The following GOLM2 variants were observed in gnomAD, a reference collection of about 807,000 sequenced individuals.
GOLM2 encodes golgi membrane protein 2, also known as protein GOLM2.
A neutral mutation model predicts 55.9 loss-of-function variants in GOLM2; 26 were observed. The ratio of observed to expected loss-of-function variants is 0.47; its 90% CI spans 0.34 to 0.65. The LOEUF is 0.65. GOLM2 is among the 30% of genes least tolerant of loss of function. GOLM2 has a pLI of 0.01. For missense variants in GOLM2, 486 were observed against 531.8 expected, an observed-to-expected ratio of 0.91 and a Z score of 0.85; for synonymous variants, 165 against 194.6, an observed-to-expected ratio of 0.85 and a Z score of 1.27.
At chr15:44,388,621 C>A (rs1445601430) in intron 8 of GOLM2, among the ~76,000 whole-genome samples, 1 of 152,096 alleles carries the variant, frequency 6.6e-6, no homozygotes, top group African/African-American at 2.4e-5. Flanking sequence ...CTGCAGTAAG[C>A]CATGATCGTG....
chr15:44,359,363 G>A (rs578199168), intron 6 of GOLM2, among the ~76,000 whole-genome samples: 18 of 151,144 alleles, frequency 1.2e-4, no homozygotes, highest in African/African-American at 3.2e-4. Context: ...TGAGGTGGGC[G>A]GATCACGAGT....
intron 6 of GOLM2, among the ~76,000 whole-genome samples, chr15:44,344,093 C>A (rs1010930850): frequency 6.6e-5 from 10 of 151,120 alleles, no homozygotes; most frequent in Non-Finnish European, 1.3e-4. Flanking sequence ...AACCCTGTGT[C>A]TACAAGAAAT....
intron 4 of GOLM2, among the ~76,000 whole-genome samples, chr15:44,336,513 A>C (rs1595633163): frequency 6.6e-6 from 1 of 152,368 alleles, no homozygotes; most frequent in African/African-American, 2.4e-5. Context: ...TTTGGAAACT[A>C]TGAGACACGA....
At chr15:44,408,814 T>A (rs904113023) in intron 9 of GOLM2, among the ~76,000 whole-genome samples, 2 of 151,860 alleles carry the variant, frequency 1.3e-5, no homozygotes, top group Non-Finnish European at 2.9e-5. Context: ...ACAAAAAAAA[T>A]TCAGCCCGGA....
chr15:44,407,045 A>G (rs1047398532), intron 9 of GOLM2, among the ~76,000 whole-genome samples: 8 of 147,588 alleles, frequency 5.4e-5, no homozygotes, highest in African/African-American at 2.0e-4. Flanking sequence ...ATATGTAAGT[A>G]TATATATAAA....
chr15:44,372,283 C>T (rs187436916), intron 6 of GOLM2, among the ~76,000 whole-genome samples: 32 of 152,284 alleles, frequency 2.1e-4, no homozygotes, highest in Admixed American at 1.0e-3. Context: ...GAGTTGAGGA[C>T]CACTGCTTAT....
At chr15:44,390,024 T>C (rs1455031803) in intron 8 of GOLM2, 1 of 152,194 alleles carries the variant, frequency 6.6e-6, no homozygotes, top group Non-Finnish European at 1.5e-5. Flanking sequence ...ATTTTTGTTT[T>C]ATAGCTTAAT....
intron 6 of GOLM2, among the ~76,000 whole-genome samples, chr15:44,366,241 G>A (rs1297239459): frequency 6.7e-6 from 1 of 148,560 alleles, no homozygotes; most frequent in East Asian, 2.0e-4. Context: ...AGCTTGCAGT[G>A]AGCAGAGATC....
chr15:44,359,755 T>C (rs1172088219), intron 6 of GOLM2, among the ~76,000 whole-genome samples: 1 of 152,122 alleles, frequency 6.6e-6, no homozygotes, highest in Non-Finnish European at 1.5e-5. Flanking sequence ...AATTGTCAGA[T>C]TCACCAAAGT....
At chr15:44,348,404 C>CCTCCCCATGGGAGGCCACAGTA (rs139648558) in intron 6 of GOLM2, 1 of 152,044 alleles carries the variant, frequency 6.6e-6, no homozygotes, top group African/African-American at 2.4e-5. Context: ...GATACCCTGG[C>CCTCCCCATGGGAGGCCACAGTA]CTCCCCATGG....
intron 6 of GOLM2, among the ~76,000 whole-genome samples, chr15:44,338,692 T>C (rs2079073008): frequency 6.6e-6 from 1 of 152,238 alleles, no homozygotes; most frequent in African/African-American, 2.4e-5. Flanking sequence ...TGCTTTAATA[T>C]GGCATAGTAA....
intron 6 of GOLM2, among the ~76,000 whole-genome samples, chr15:44,357,279 C>T (rs1258528679): frequency 2.0e-5 from 3 of 151,918 alleles, no homozygotes; most frequent in Admixed American, 1.3e-4. Flanking sequence ...CATAATTCAT[C>T]GTATTAGCAG....
intron 1 of GOLM2, among the ~76,000 whole-genome samples, chr15:44,304,333 A>T (rs1026725365): frequency 1.6e-4 from 22 of 134,350 alleles, no homozygotes; most frequent in Non-Finnish European, 2.3e-4. Flanking sequence ...CCTCCGCCTC[A>T]CAGGTTCAAG....
chr15:44,291,320 C>T (rs535600285), intron 1 of GOLM2, among the ~76,000 whole-genome samples: 52 of 152,204 alleles, frequency 3.4e-4, no homozygotes, highest in African/African-American at 1.2e-3. Context: ...TTTTTACCTT[C>T]AACAGTATGT....
chr15:44,363,885 C>T (rs1204829695), intron 6 of GOLM2, among the ~76,000 whole-genome samples: 3 of 152,058 alleles, frequency 2.0e-5, no homozygotes, highest in Non-Finnish European at 4.4e-5. Context: ...GAGTTCATGT[C>T]CTTTGTAGGG....
At chr15:44,328,888 T>TC in intron 3 of GOLM2, 101 bp downstream of exon 3, 3 of 705,510 alleles carry the variant, frequency 4.3e-6, no homozygotes, top group Admixed American at 3.6e-5. Flanking sequence ...TCCCTTTTTT[T>TC]CTCTTCTTTC....
At chr15:44,325,052 A>G (rs2078972567) in intron 2 of GOLM2, among the ~76,000 whole-genome samples, 1 of 152,212 alleles carries the variant, frequency 6.6e-6, no homozygotes, top group Non-Finnish European at 1.5e-5. Context: ...TCAGGGGTAC[A>G]TGTGCAGGAT....
At chr15:44,324,179 T>C (rs1207158018) in intron 2 of GOLM2, among the ~76,000 whole-genome samples, 2 of 152,256 alleles carry the variant, frequency 1.3e-5, no homozygotes, top group African/African-American at 4.8e-5. Flanking sequence ...TTAGGGCTTA[T>C]TAAAGCAGTA....
intron 1 of GOLM2, among the ~76,000 whole-genome samples, chr15:44,316,550 TC>T (rs530570689): frequency 1.3e-3 from 199 of 151,720 alleles, no homozygotes; most frequent in Non-Finnish European, 2.3e-3. Flanking sequence ...GGTCAGGAGT[TC>T]CAGACCAGCC....
Sources: gnomAD v4.1 joint callset for allele counts (sites outside exome capture counted in the v4.1 genomes callset) on GRCh38, gnomAD v4.1.1 for gene constraint, MANE v1.5 for transcripts, NCBI Gene and HGNC (gene_info 2026-07-23, HGNC 2026-07-21) for gene names.